GNA13: variants seen among roughly 807,000 people sequenced by gnomAD.
GNA13 encodes G protein subunit alpha 13.
Under a neutral mutation model 33.5 loss-of-function variants are expected in GNA13, and 4 were observed. The ratio of observed to expected loss-of-function variants is 0.12; its 90% confidence interval spans 0.06 to 0.27. GNA13 has a LOEUF of 0.27. Ranked by LOEUF, GNA13 falls within the 10% of genes least tolerant of loss-of-function variation. The pLI, the probability that GNA13 is intolerant of heterozygous loss-of-function variation, is 1.00. For synonymous variants in GNA13, 176 were observed against 183.8 expected, an observed-to-expected ratio of 0.96 and a Z score of 0.34; for missense variants, 319 against 487.2, an observed-to-expected ratio of 0.65 and a Z score of 3.25.
At chr17:65,039,608 T>G (rs575474164) in intron 2 of GNA13, among the ~76,000 whole-genome samples, 2 of 152,320 alleles carry the variant, frequency 1.3e-5, no homozygotes, top group East Asian at 3.9e-4. Context: ...CCCCCTCCTT[T>G]CCTGGAGGAC....
chr17:65,056,387 C>T lies in GNA13; in HGVS notation c.207G>A (p.Arg69=). 4 of 1,613,656 alleles carry T rather than the reference C, an allele frequency of 2.5e-6. No individual in the cohort carries two copies. In the East Asian group the frequency reaches 8.9e-5, roughly 36 times the overall value. ...SGKSTFLKQM[R]IIHGQDFDQR... ...GGTCGAAGTCCTGCCCGTGGATGAT[C>T]CGCATCTGCTTCAGGAAGGTGGACT... is the stretch of plus-strand genomic sequence containing the variant. The change falls in exon 1 of 4, where the codon CGG becomes CGA. Residue 69 remains arginine, a synonymous_variant. Coordinates refer to ENST00000439174, the MANE Select transcript of GNA13 (RefSeq NM_006572.6).
chr17:65,029,328 C>A (rs1411732925), intron 2 of GNA13, among the ~76,000 whole-genome samples: 1 of 152,152 alleles, frequency 6.6e-6, no homozygotes, highest in East Asian at 1.9e-4. Context: ...CTGCCTAACA[C>A]CATTTCCCCC....
intron 1 of GNA13, 50 bp downstream of exon 1, chr17:65,056,261 G>GCCCCCCCCC: frequency 7.1e-6 from 4 of 560,702 alleles, no homozygotes; most frequent in African/African-American, 2.1e-5. Context: ...ACCCGCCGCC[G>GCCCCCCCCC]CCCCAGCCCC....
intron 2 of GNA13, among the ~76,000 whole-genome samples, chr17:65,029,744 C>G (rs1385434604): frequency 6.6e-6 from 1 of 152,174 alleles, no homozygotes; most frequent in Non-Finnish European, 1.5e-5. Context: ...CTGTACAGAG[C>G]AATAGCTACA....
At position 65,014,212 on chromosome 17, in the gene GNA13, C is replaced by T. The variant is rs1598477489; in HGVS notation, c.*45G>A. 1 of 1,142,524 alleles carries T rather than the reference C, an allele frequency of 8.8e-7. No individual in the cohort carries two copies. Among genetic ancestry groups the T allele is most frequent in the Non-Finnish European group, 1.3e-6 (1 of 780,212 alleles). 70.8% of individuals were successfully genotyped at this position (1,142,524 alleles called of 1,614,324 possible). ...TTTAAAAAACAAAACAAACAGAAAACATCAAAAACACAAAAAGATATTAAA... is the reference window on the plus strand; with the variant it reads ...TTTAAAAAACAAAACAAACAGAAAATATCAAAAACACAAAAAGATATTAAA... On this transcript the variant is annotated 3_prime_UTR_variant, in exon 4 of 4. Coordinates refer to ENST00000439174, the MANE Select transcript of GNA13 (RefSeq NM_006572.6). The surrounding 1 kb of genome is among the most constrained non-coding windows in gnomAD (Gnocchi z 5.3).
intron 2 of GNA13, among the ~76,000 whole-genome samples, chr17:65,041,410 A>G (rs1474216324): frequency 6.6e-6 from 1 of 152,182 alleles, no homozygotes; most frequent in Admixed American, 6.5e-5. Flanking sequence ...ATTTTGCTCC[A>G]TGAGAAAAAG....
chr17:65,026,333 T>TA (rs1906784186), intron 2 of GNA13, among the ~76,000 whole-genome samples: 1 of 152,042 alleles, frequency 6.6e-6, no homozygotes, highest in Admixed American at 6.5e-5. Context: ...AATTGACAAA[T>TA]ACAATTTATC....
rs1157341752 is a variant in GNA13 at position 65,009,761 on chromosome 17, A to C, written c.*4496T>G. On this transcript the variant is annotated 3_prime_UTR_variant, in exon 4 of 4. Coordinates refer to ENST00000439174, the MANE Select transcript of GNA13 (RefSeq NM_006572.6). ...TGCCTTCAAGTAAGAGGTAAAAGGTAAATGGCATAGTTTGTTGCACTGTTG... is the reference window on the plus strand; with the variant it reads ...TGCCTTCAAGTAAGAGGTAAAAGGTCAATGGCATAGTTTGTTGCACTGTTG... 2.0e-5 allele frequency among the ~76,000 whole-genome samples: 3 copies of C among 152,260 alleles called. No homozygotes were observed. The highest frequency in any genetic ancestry group is 2.0e-4 in the Admixed American group (3 of 15,286).
chr17:65,053,775 A>G, intron 1 of GNA13, 47 bp from the exon 2 acceptor site: 1 of 1,146,474 alleles, frequency 8.7e-7, no homozygotes, highest in Non-Finnish European at 1.3e-6. Context: ...GAGTCATTAC[A>G]TATTATCATA....
chr17:65,056,613 C>CCGT lies in GNA13; in HGVS notation c.-21_-20insACG. 3.8e-6 allele frequency: 6 copies of CCGT among 1,595,466 alleles called. No individual in the cohort carries two copies. Among genetic ancestry groups the CCGT allele is most frequent in the Non-Finnish European group, 5.1e-6 (6 of 1,175,422 alleles). ...CGCCATCTTGCCGCCGCCGCCGCCG[C>CCGT]CTCGGCGGGCCCCTCCGGCTCCCTC... On this transcript the variant is annotated 5_prime_UTR_variant, in exon 1 of 4. Coordinates refer to ENST00000439174, the MANE Select transcript of GNA13 (RefSeq NM_006572.6).
chr17:65,014,646 A>C lies in GNA13; in HGVS notation c.745T>G (p.Ser249Ala), dbSNP rs769918719. The C allele has an allele frequency of 6.2e-7, 1 of 1,614,216 alleles. No homozygotes were observed. The highest frequency in any genetic ancestry group is 1.1e-5 in the South Asian group (1 of 91,088). ...ATAAGCACCTGGTCAAATTCACTTG[A>C]GGAAACAAGGAAAAGTATTGATGTC... ...SVTSILFLVS[S>A]SEFDQVLMED... Residue 249 changes from serine to alanine, a missense_variant, in exon 4 of 4, where the codon TCA (serine) becomes GCA (alanine). Physicochemically the swap from Ser to Ala is moderately conservative, Grantham distance 99 (BLOSUM62 1). This residue lies in a region of GNA13 where 134 missense variants were observed against 241.3 expected (regional missense o/e 0.56). Coordinates refer to ENST00000439174, the MANE Select transcript of GNA13 (RefSeq NM_006572.6). This position sits in a 1 kb window ranked among gnomAD's most constrained non-coding sequence, Gnocchi z 5.3.
intron 2 of GNA13, among the ~76,000 whole-genome samples, chr17:65,046,837 C>A (rs951863625): frequency 6.6e-6 from 1 of 152,158 alleles, no homozygotes; most frequent in Non-Finnish European, 1.5e-5. Flanking sequence ...AATTATTGTG[C>A]CCCTAGCTTT....
At chr17:65,050,158 A>G (rs967398606) in intron 2 of GNA13, among the ~76,000 whole-genome samples, 1 of 152,222 alleles carries the variant, frequency 6.6e-6, no homozygotes. Flanking sequence ...TGTTTGAACA[A>G]GACTGCCTTG....
chr17:65,045,089 C>A (rs894952752), intron 2 of GNA13, among the ~76,000 whole-genome samples: 4 of 151,714 alleles, frequency 2.6e-5, no homozygotes, highest in African/African-American at 4.8e-5. Flanking sequence ...TTCTGGTGTC[C>A]CCTTCTCTAA....
In GNA13 at chr17:65,056,139, A is replaced by G. The variant is rs545843575; in HGVS notation, c.283+172T>C. Among the ~76,000 whole-genome samples the G allele has an allele frequency of 8.9e-4, 134 of 151,034 alleles. No individual in the cohort carries two copies. In the South Asian group the frequency reaches 9.8e-3, roughly 11 times the overall value. ...TCCTCTCGCCCTGGGGCGCGAGGGC[A>G]CCCCGGGCGGGCAGGGCCAGTTGCC... On this transcript the variant is annotated intron_variant, in intron 1 of 3. Transcript: ENST00000439174.
At chr17:65,016,995 T>C (rs1192929654) in intron 3 of GNA13, among the ~76,000 whole-genome samples, 1 of 152,226 alleles carries the variant, frequency 6.6e-6, no homozygotes, top group East Asian at 1.9e-4. Flanking sequence ...TTTTTAGCCA[T>C]AATTAACAGA....
intron 3 of GNA13, among the ~76,000 whole-genome samples, chr17:65,015,637 TG>T (rs1366505547): frequency 2.5e-5 from 3 of 120,846 alleles, no homozygotes; most frequent in Non-Finnish European, 4.8e-5. Context: ...CACTCCAGCC[TG>T]GGTGACAGAG....
At chr17:65,019,227 C>CTT (rs1430656439) in intron 2 of GNA13, among the ~76,000 whole-genome samples, 3 of 152,166 alleles carry the variant, frequency 2.0e-5, no homozygotes, top group African/African-American at 7.2e-5. Context: ...TGGGACCACA[C>CTT]TTTGAGTCAC....
chr17:65,011,786 T>C lies in GNA13; in HGVS notation c.*2471A>G, dbSNP rs935539181. On this transcript the variant is annotated 3_prime_UTR_variant, in exon 4 of 4. Coordinates refer to ENST00000439174, the MANE Select transcript of GNA13 (RefSeq NM_006572.6). ...TTTTAGAGACTGGGGTAAGTTTGCA[T>C]AGTGAAATTATGAGCACCTTTTCAA... The C allele has an allele frequency of 4.4e-6, 1 of 228,608 alleles. No individual in the cohort carries two copies. Among genetic ancestry groups the C allele is most frequent in the East Asian group, 6.3e-5 (1 of 15,910 alleles). The allele number at this position is 228,608 out of a possible 1,614,324, so 14.2% of individuals were successfully genotyped here.
Sources: gnomAD v4.1 joint callset for allele counts (sites outside exome capture counted in the v4.1 genomes callset) on GRCh38, gnomAD v4.1.1 for gene constraint, gnomAD v4.1.1 regional missense constraint, Gnocchi (gnomAD v3.1) non-coding constraint, MANE v1.5 for transcripts, NCBI Gene and HGNC (gene_info 2026-07-23, HGNC 2026-07-21) for gene names.